Variants in CPNE4 observed in about 807,000 individuals in gnomAD.
The protein encoded by CPNE4 is copine-4.
CPNE4 carries 25 observed loss-of-function variants against 67.9 expected under a neutral mutation model. That is an observed-to-expected ratio of 0.37 (90% CI 0.27 to 0.51). The LOEUF is 0.51. Among genes scored for constraint, CPNE4 ranks in the 20% least tolerant of loss-of-function variants. The probability of loss-of-function intolerance (pLI) is 0.93; values close to 1 mark genes in which losing one functional copy is unlikely to be tolerated. For missense variants in CPNE4, 464 were observed against 690.8 expected (o/e 0.67, Z 3.68); for synonymous variants, 242 against 244.9 (o/e 0.99, Z 0.11).
chr3:131,745,726 T>C (rs2082471767), intron 2 of CPNE4, among the ~76,000 whole-genome samples: 2 of 152,120 alleles, frequency 1.3e-5, no homozygotes, highest in African/African-American at 4.8e-5. Flanking sequence ...ATTTCTGGTT[T>C]CTCTGTTGTT....
At chr3:131,697,896 G>A (rs1425668217) in intron 4 of CPNE4, among the ~76,000 whole-genome samples, 3 of 152,098 alleles carry the variant, frequency 2.0e-5, no homozygotes, top group African/African-American at 7.2e-5. Flanking sequence ...TAAAGCCAAT[G>A]TTTTGATCTA....
intron 2 of CPNE4, among the ~76,000 whole-genome samples, chr3:131,742,190 T>C (rs574220201): frequency 6.6e-6 from 1 of 152,262 alleles, no homozygotes; most frequent in South Asian, 2.1e-4. Flanking sequence ...CCAATTGCCT[T>C]CTCCAATGGG....
intron 2 of CPNE4, among the ~76,000 whole-genome samples, chr3:131,853,309 A>G (rs1400776943): frequency 6.6e-6 from 1 of 151,866 alleles, no homozygotes; most frequent in Non-Finnish European, 1.5e-5. Context: ...CACTAAAGCA[A>G]TTCAATATGG....
At chr3:131,708,084 T>C (rs910467688) in intron 3 of CPNE4, among the ~76,000 whole-genome samples, 2 of 19,818 alleles carry the variant, frequency 1.0e-4, no homozygotes, top group Non-Finnish European at 4.6e-4. Flanking sequence ...TAGTCACCTA[T>C]TGGCTTAGGG....
chr3:131,905,477 G>A (rs985879056), intron 1 of CPNE4, 33 bp from the exon 2 acceptor site: 1 of 1,576,624 alleles, frequency 6.3e-7, no homozygotes, highest in African/African-American at 1.4e-5. Context: ...TAAAAAAGAA[G>A]TGCCAATCAC....
At chr3:132,011,831 A>G (rs1474993409) in intron 1 of CPNE4, among the ~76,000 whole-genome samples, 1 of 152,250 alleles carries the variant, frequency 6.6e-6, no homozygotes, top group East Asian at 1.9e-4. Context: ...CAGTTAACAC[A>G]TCATCCCCTT....
intron 10 of CPNE4, among the ~76,000 whole-genome samples, chr3:131,572,119 C>T (rs1201683299): frequency 6.6e-6 from 1 of 152,000 alleles, no homozygotes; most frequent in Admixed American, 6.6e-5. Flanking sequence ...ATGCCCCCAT[C>T]TTTAACACTC....
At chr3:131,847,524 T>C (rs2086050512) in intron 2 of CPNE4, among the ~76,000 whole-genome samples, 1 of 152,084 alleles carries the variant, frequency 6.6e-6, no homozygotes, top group South Asian at 2.1e-4. Context: ...GGAAAGAGAA[T>C]GGGGGTCGAT....
chr3:131,707,791 A>G (rs775939065), intron 3 of CPNE4, among the ~76,000 whole-genome samples: 1 of 152,058 alleles, frequency 6.6e-6, no homozygotes, highest in Non-Finnish European at 1.5e-5. Context: ...AAACCACTAC[A>G]AGGGCCACTG....
At chr3:131,746,633 T>C (rs1444253954) in intron 2 of CPNE4, among the ~76,000 whole-genome samples, 1 of 152,152 alleles carries the variant, frequency 6.6e-6, no homozygotes, top group Non-Finnish European at 1.5e-5. Flanking sequence ...TAGTATTCCA[T>C]TGTGTATATA....
intron 1 of CPNE4, among the ~76,000 whole-genome samples, chr3:131,918,227 TATA>T (rs1394982794): frequency 6.6e-6 from 1 of 152,224 alleles, no homozygotes; most frequent in African/African-American, 2.4e-5. Flanking sequence ...GGATTTTGTG[TATA>T]ATGTTATTCT....
intron 2 of CPNE4, among the ~76,000 whole-genome samples, chr3:131,729,898 T>C (rs945260407): frequency 2.0e-5 from 3 of 152,222 alleles, no homozygotes; most frequent in African/African-American, 7.2e-5. Flanking sequence ...TAGTAAATTA[T>C]TAAATTCCTT....
intron 14 of CPNE4, 73 bp downstream of exon 14, chr3:131,549,874 G>A: frequency 6.5e-7 from 1 of 1,533,456 alleles, no homozygotes; most frequent in Non-Finnish European, 8.9e-7. Flanking sequence ...GTTAGAGTGA[G>A]ATGGGTCTTA....
chr3:131,884,405 T>G (rs1299835783), intron 2 of CPNE4, among the ~76,000 whole-genome samples: 4 of 152,112 alleles, frequency 2.6e-5, no homozygotes, highest in African/African-American at 9.7e-5. Context: ...GAGATGGAGA[T>G]GCTTGTTTAG....
intron 1 of CPNE4, among the ~76,000 whole-genome samples, chr3:131,953,250 A>ATAAATT: frequency 7.0e-6 from 1 of 141,872 alleles, no homozygotes; most frequent in Non-Finnish European, 1.6e-5. Flanking sequence ...AAAAAAAAAA[A>ATAAATT]AAAAAAAAAA....
intron 6 of CPNE4, among the ~76,000 whole-genome samples, chr3:131,683,531 C>T (rs1002597698): frequency 2.0e-5 from 3 of 152,164 alleles, no homozygotes; most frequent in African/African-American, 7.2e-5. Context: ...GCTTTCCTCT[C>T]CTCTCCTCAA....
chr3:131,684,703 T>C (rs2080844613), intron 6 of CPNE4, among the ~76,000 whole-genome samples: 2 of 152,224 alleles, frequency 1.3e-5, no homozygotes, highest in African/African-American at 4.8e-5. Context: ...CTGCAAATGG[T>C]ATGCAAGCAT....
intron 5 of CPNE4, among the ~76,000 whole-genome samples, chr3:131,690,286 CTA>C (rs1202697921): frequency 6.6e-6 from 1 of 152,128 alleles, no homozygotes; most frequent in African/African-American, 2.4e-5. Context: ...CAACTTCAAA[CTA>C]TACTATAAGG....
chr3:131,778,203 C>T (rs1173382316), intron 2 of CPNE4, among the ~76,000 whole-genome samples: 1 of 152,138 alleles, frequency 6.6e-6, no homozygotes, highest in Non-Finnish European at 1.5e-5. Context: ...TTCTATTCTT[C>T]TGCCCTTAGA....
Sources: gnomAD v4.1 joint callset for allele counts (sites outside exome capture counted in the v4.1 genomes callset) on GRCh38, gnomAD v4.1.1 for gene constraint, MANE v1.5 for transcripts, NCBI Gene and HGNC (gene_info 2026-07-23, HGNC 2026-07-21) for gene names.